The following BEAN1 variants were observed in gnomAD, a reference collection of about 807,000 sequenced individuals.
BEAN1 encodes the protein protein BEAN1.
In BEAN1, 17 loss-of-function variants were observed where a neutral mutation model predicts 17.7. That is an observed-to-expected ratio of 0.96 (90% CI 0.66 to 1.44). BEAN1 has a LOEUF of 1.44. BEAN1 is among the 40% of genes most tolerant of loss of function. The pLI, the probability that BEAN1 is intolerant of heterozygous loss-of-function variation, is 0.00. For missense variants in BEAN1, 359 were observed against 374.1 expected (o/e 0.96, Z 0.33); for synonymous variants, 142 against 151.8 (o/e 0.94, Z 0.47).
In BEAN1 at chr16:66,481,056, A is replaced by ACGAC; in HGVS notation, c.*132_*133insGACC. 1.6e-6 allele frequency: 1 copy of ACGAC among 631,554 alleles called. No homozygotes were observed. Among genetic ancestry groups the ACGAC allele is most frequent in the Non-Finnish European group, 2.4e-6 (1 of 417,192 alleles). The allele number at this position is 631,554 out of a possible 1,614,324, so 39.1% of individuals were successfully genotyped here. The stretch of plus-strand genomic sequence containing the variant: ...ACACACATAGACCAAACTTGTATAC[A>ACGAC]CACAGACATCTACACTGACATACCC... On this transcript the variant is annotated 3_prime_UTR_variant, in exon 5 of 5. Transcript: ENST00000536005. This position sits in a 1 kb window ranked among gnomAD's most constrained non-coding sequence, Gnocchi z 4.1.
At chr16:66,449,870 C>T (rs1189659184) in intron 2 of BEAN1, among the ~76,000 whole-genome samples, 1 of 152,144 alleles carries the variant, frequency 6.6e-6, no homozygotes, top group Non-Finnish European at 1.5e-5. Context: ...ACCTGCAATA[C>T]TAGTGTGCTG....
intron 1 of BEAN1, among the ~76,000 whole-genome samples, chr16:66,435,702 T>C (rs1961987989): frequency 6.6e-6 from 1 of 152,126 alleles, no homozygotes. Context: ...TTAGCCAGGA[T>C]GGTCTCGATC....
At chr16:66,470,513 G>A (rs1175410104) in intron 3 of BEAN1, among the ~76,000 whole-genome samples, 1 of 152,152 alleles carries the variant, frequency 6.6e-6, no homozygotes, top group Non-Finnish European at 1.5e-5. Flanking sequence ...AAGATAAATA[G>A]GTGGGCAGTG....
At chr16:66,490,623 C>T (rs181834283) in intron 4 of BEAN1, among the ~76,000 whole-genome samples, 184 of 152,176 alleles carry the variant, frequency 1.2e-3, no homozygotes, top group African/African-American at 3.8e-3. Context: ...ACCTTCCTGG[C>T]GCTTCCAGCC....
chr16:66,483,092 C>G (rs1327727697), downstream of BEAN1: 2 of 339,124 alleles, frequency 5.9e-6, no homozygotes, highest in African/African-American at 4.4e-5. Context: ...AACTCCTGGT[C>G]TCAAGCGATC....
intron 2 of BEAN1, among the ~76,000 whole-genome samples, chr16:66,454,248 C>T (rs2142404338): frequency 6.6e-6 from 1 of 152,296 alleles, no homozygotes; most frequent in African/African-American, 2.4e-5. Context: ...ATGAATGTCA[C>T]ACTGGTTGAT....
At position 66,464,630 on chromosome 16, in the gene BEAN1, A is replaced by T. The variant is rs182135805; in HGVS notation, c.26-4972A>T. Among the ~76,000 whole-genome samples, 965 of 152,322 alleles carry T rather than the reference A, an allele frequency of 6.3e-3. 7 individuals are homozygous for T. Among genetic ancestry groups the T allele is most frequent in the Middle Eastern group, 0.014 (4 of 294 alleles). ...AGTGCTAGGATTACAGGTGTGCGCC[A>T]CTGTGCCCAGCCTAAGTTTTGTACT... On this transcript the variant is annotated intron_variant, in intron 2 of 4. Coordinates refer to ENST00000536005, the MANE Select transcript of BEAN1 (RefSeq NM_001178020.3).
chr16:66,469,172 G>T (rs1427303453), intron 2 of BEAN1, among the ~76,000 whole-genome samples: 2 of 152,188 alleles, frequency 1.3e-5, no homozygotes, highest in Non-Finnish European at 2.9e-5. Context: ...CTCATACTCT[G>T]TCCCCCTGTG....
In BEAN1 at chr16:66,430,029, T is replaced by A. The variant is rs187438574; in HGVS notation, c.-83+2598T>A. On this transcript the variant is annotated intron_variant, in intron 1 of 4. Coordinates refer to ENST00000536005, the MANE Select transcript of BEAN1 (RefSeq NM_001178020.3). ...AGGCCAGGAGGGCTTCTGCAGTCCA[T>A]TAGCAAGCAGGCACAAACAAGAGTC... Among the ~76,000 whole-genome samples the A allele has an allele frequency of 2.6e-5, 4 of 152,308 alleles. No homozygotes were observed. The East Asian group carries it at 7.7e-4, about 29-fold the overall frequency.
chr16:66,433,558 CCTTCCTAAAGAGAGAA>C (rs554321244), intron 1 of BEAN1, among the ~76,000 whole-genome samples: 142 of 151,988 alleles, frequency 9.3e-4, no homozygotes, highest in Admixed American at 3.3e-3. Context: ...GCCCCCTCCA[CCTTCCTAAAGAGAGAA>C]TAGCTGAGCA....
intron 4 of BEAN1, among the ~76,000 whole-genome samples, chr16:66,489,780 G>A (rs553228689): frequency 6.6e-6 from 1 of 151,834 alleles, no homozygotes; most frequent in Non-Finnish European, 1.5e-5. Flanking sequence ...TCATGCTGGA[G>A]GGGGCTACAT....
At chr16:66,493,510 C>T (rs1455399211) in exon 5 of BEAN1, 1 of 593,728 alleles carries the variant, frequency 1.7e-6, no homozygotes, top group African/African-American at 1.9e-5. Flanking sequence ...GTGACCCTGT[C>T]TTACACTGGA....
intron 2 of BEAN1, among the ~76,000 whole-genome samples, chr16:66,445,533 G>C (rs1307273946): frequency 6.9e-6 from 1 of 144,734 alleles, no homozygotes; most frequent in Non-Finnish European, 1.5e-5. Context: ...GAGGTGATGG[G>C]TCAGGGCATA....
intron 2 of BEAN1, chr16:66,437,995 C>T: frequency 2.0e-6 from 1 of 512,392 alleles, no homozygotes; most frequent in South Asian, 2.6e-5. Context: ...CACCCACACA[C>T]AAATAAAAGA....
chr16:66,480,856 G>A lies in BEAN1; in HGVS notation c.711G>A (p.Gly237=). The A allele has an allele frequency of 2.0e-6, 3 of 1,505,370 alleles. No individual in the cohort carries two copies. Among genetic ancestry groups the A allele is most frequent in the Admixed American group, 2.1e-5 (1 of 46,598 alleles). 93.3% of individuals were successfully genotyped at this position (1,505,370 alleles called of 1,614,324 possible). ...TGCCACTGCCGGGCCCAGACCCAGGGCCAAGGGGCTCCCAGGGCTCACCCA... is the reference window on the plus strand; with the variant it reads ...TGCCACTGCCGGGCCCAGACCCAGGACCAAGGGGCTCCCAGGGCTCACCCA... ...GLLPLPGPDP[G]PRGSQGSPTP... is the part of the protein sequence containing the mutation. The change falls in exon 5 of 5, where the codon GGG becomes GGA. Residue 237 remains glycine, a synonymous_variant. Coordinates refer to ENST00000536005, the MANE Select transcript of BEAN1 (RefSeq NM_001178020.3).
intron 1 of BEAN1, among the ~76,000 whole-genome samples, chr16:66,436,630 C>A (rs1401212848): frequency 1.3e-5 from 2 of 151,196 alleles, no homozygotes; most frequent in African/African-American, 4.9e-5. Flanking sequence ...AGCTGGAGTG[C>A]AGTGGTGTGA....
intron 4 of BEAN1, among the ~76,000 whole-genome samples, chr16:66,488,542 T>TG (rs1491214698): frequency 8.4e-6 from 1 of 119,658 alleles, no homozygotes; most frequent in Admixed American, 8.5e-5. Flanking sequence ...AAAAAAAAAC[T>TG]GTTTTAATTA....
chr16:66,480,877 A>C lies in BEAN1; in HGVS notation c.732A>C (p.Ser244=). Residue 244 remains serine, a synonymous_variant, in exon 5 of 5, where the codon TCA becomes TCC. Coordinates refer to ENST00000536005, the MANE Select transcript of BEAN1 (RefSeq NM_001178020.3). ...CAGGGCCAAGGGGCTCCCAGGGCTC[A>C]CCCACCCCAACCCGGGCCCCAGCCT... is the stretch of plus-strand genomic sequence containing the variant. ...PDPGPRGSQG[S]PTPTRAPASG... The C allele has an allele frequency of 6.8e-7, 1 of 1,470,970 alleles. No homozygotes were observed. Among genetic ancestry groups the C allele is most frequent in the Non-Finnish European group, 9.0e-7 (1 of 1,106,544 alleles). The allele number at this position is 1,470,970 out of a possible 1,614,324, so 91.1% of individuals were successfully genotyped here.
chr16:66,440,117 G>A (rs1271914885), intron 2 of BEAN1, among the ~76,000 whole-genome samples: 4 of 146,490 alleles, frequency 2.7e-5, no homozygotes, highest in Non-Finnish European at 6.0e-5. Context: ...ACCCTGTTGG[G>A]TACTTCTTTT....
Sources: gnomAD v4.1 joint callset for allele counts (sites outside exome capture counted in the v4.1 genomes callset) on GRCh38, gnomAD v4.1.1 for gene constraint, Gnocchi (gnomAD v3.1) non-coding constraint, MANE v1.5 for transcripts, NCBI Gene and HGNC (gene_info 2026-07-23, HGNC 2026-07-21) for gene names.